Variants in SLIT1 observed in about 807,000 individuals in gnomAD.
SLIT1 encodes slit guidance ligand 1.
A neutral mutation model predicts 186.1 loss-of-function variants in SLIT1; 66 were observed. The ratio of observed to expected loss-of-function variants is 0.35; its 90% CI spans 0.29 to 0.44. SLIT1 has a LOEUF of 0.44. Among genes scored for constraint, SLIT1 ranks in the 20% least tolerant of loss-of-function variants. SLIT1 has a pLI of 1.00. For synonymous variants in SLIT1, 761 were observed against 833.8 expected (o/e 0.91, Z 1.50); for missense variants, 1,638 against 2,037.4 (o/e 0.80, Z 3.77).
Position 97,139,860 on chromosome 10 carries a change from C to T in SLIT1, c.413+17958G>A, listed in dbSNP as rs1447941227. ...CTGAACAGCTGGGGACTCCCGAAAT[C>T]GGCAAAGCCTCTCACAAGGTGGGTG... On this transcript the variant is annotated intron_variant, in intron 4 of 36. Transcript: ENST00000266058. 2.6e-5 allele frequency among the ~76,000 whole-genome samples: 4 copies of T among 152,186 alleles called. No homozygotes were observed. The South Asian group carries it at 6.2e-4, about 24-fold the overall frequency.
intron 1 of SLIT1, among the ~76,000 whole-genome samples, chr10:97,175,342 C>G (rs1469868322): frequency 3.3e-5 from 5 of 152,120 alleles, no homozygotes; most frequent in Non-Finnish European, 1.5e-5. Flanking sequence ...GTAAATAATG[C>G]CACTTTGAAC....
At chr10:97,175,591 G>A (rs948180479) in intron 1 of SLIT1, among the ~76,000 whole-genome samples, 3 of 151,998 alleles carry the variant, frequency 2.0e-5, no homozygotes, top group Non-Finnish European at 4.4e-5. Flanking sequence ...AGGTAGTCAC[G>A]GCCCAGCTCT....
intron 1 of SLIT1, among the ~76,000 whole-genome samples, chr10:97,168,758 A>G (rs943271272): frequency 2.0e-5 from 3 of 152,230 alleles, no homozygotes; most frequent in Non-Finnish European, 4.4e-5. Context: ...AGTCATGAAA[A>G]ATCTGATGAA....
chr10:97,056,188 C>G (rs889722266), intron 13 of SLIT1, 133 bp downstream of exon 13: 1 of 937,166 alleles, frequency 1.1e-6, no homozygotes, highest in Admixed American at 2.6e-5. Context: ...AGGTCTGTGT[C>G]CTTCCTCTGT....
chr10:97,040,649 T>C (rs1199386067), intron 20 of SLIT1, among the ~76,000 whole-genome samples: 3 of 152,168 alleles, frequency 2.0e-5, no homozygotes, highest in Non-Finnish European at 4.4e-5. Flanking sequence ...TCCATTTTAT[T>C]GAGGTCTGGA....
At chr10:97,086,352 C>G (rs563757104) in intron 4 of SLIT1, among the ~76,000 whole-genome samples, 2 of 151,972 alleles carry the variant, frequency 1.3e-5, no homozygotes, top group African/African-American at 4.8e-5. Flanking sequence ...GGTGGATCAC[C>G]TGAGGTCAGG....
rs751071718 is a variant in SLIT1, at chr10:97,001,195, A to T, written c.4522T>A (p.Phe1508Ile). The change falls in exon 37 of 37, where the codon TTC becomes ATC. Residue 1508 changes from phenylalanine to isoleucine, a missense_variant. Phe to Ile is a conservative substitution (Grantham distance 21, BLOSUM62 0). This residue lies in a region of SLIT1 where 220 missense variants were observed against 211.3 expected (regional missense o/e 1.04). Transcript: ENST00000266058. ...GTCCCATCGCTGCACTCAAAGGTGA[A>T]CTTCCTCCGCTTCAGCCGAAGGCCC... ...CQGLRLKRRK[F>I]TFECSDGTSF... is the part of the protein sequence containing the mutation. The T allele has an allele frequency of 1.2e-6, 2 of 1,613,198 alleles. No homozygotes were observed. The highest frequency in any genetic ancestry group is 2.2e-5 in the South Asian group (2 of 91,086).
In SLIT1 at chr10:97,099,454, G is replaced by A. The variant is rs185081289; in HGVS notation, c.414-33368C>T. Among the ~76,000 whole-genome samples the A allele has an allele frequency of 5.7e-3, 862 of 152,228 alleles. 33 individuals are homozygous for A. The highest frequency in any genetic ancestry group is 0.052 in the Admixed American group (799 of 15,286). On this transcript the variant is annotated intron_variant, in intron 4 of 36. Coordinates refer to ENST00000266058, the MANE Select transcript of SLIT1 (RefSeq NM_003061.3). ...ACAAAGAGAAAAAGACTCCAGGTTG[G>A]GGGGGTGGGGGACAGCAGGCAGTGG...
intron 36 of SLIT1, among the ~76,000 whole-genome samples, 200 bp downstream of exon 36, chr10:97,001,958 G>T (rs1848313635): frequency 6.6e-6 from 1 of 152,186 alleles, no homozygotes; most frequent in Non-Finnish European, 1.5e-5. Context: ...CCCTGAATAA[G>T]GGAGCTGCAG....
chr10:97,069,566 C>CA (rs1038081995), intron 4 of SLIT1, among the ~76,000 whole-genome samples: 2 of 152,174 alleles, frequency 1.3e-5, no homozygotes, highest in Admixed American at 1.3e-4. Context: ...AGTGAGTGAA[C>CA]AAGTCCGCTG....
In SLIT1 at chr10:97,141,782, G is replaced by A. The variant is rs568666796; in HGVS notation, c.413+16036C>T. ...GTATCGTATTGTATCGTACTGTATTGTATTGTACTGTATTGTATTGTATTG... is the reference window on the plus strand; with the variant it reads ...GTATCGTATTGTATCGTACTGTATTATATTGTACTGTATTGTATTGTATTG... On this transcript the variant is annotated intron_variant, in intron 4 of 36. Transcript: ENST00000266058. 3.3e-5 allele frequency among the ~76,000 whole-genome samples: 5 copies of A among 151,316 alleles called. No homozygotes were observed. The South Asian group carries it at 1.0e-3, about 32-fold the overall frequency.
At chr10:97,104,653 C>A (rs1368255730) in intron 4 of SLIT1, among the ~76,000 whole-genome samples, 1 of 152,060 alleles carries the variant, frequency 6.6e-6, no homozygotes, top group Non-Finnish European at 1.5e-5. Flanking sequence ...CAGCCCCCAC[C>A]CCACCACACG....
chr10:97,121,017 A>G (rs1286581510), intron 4 of SLIT1, among the ~76,000 whole-genome samples: 1 of 152,068 alleles, frequency 6.6e-6, no homozygotes, highest in African/African-American at 2.4e-5. Context: ...AGATGTCAAG[A>G]CGGTCTCCCT....
At chr10:97,118,273 C>T (rs931301160) in intron 4 of SLIT1, among the ~76,000 whole-genome samples, 3 of 152,200 alleles carry the variant, frequency 2.0e-5, no homozygotes, top group African/African-American at 4.8e-5. Context: ...TCACAGGCTG[C>T]GTAAGCTGGA....
At chr10:97,140,726 C>T (rs1167614299) in intron 4 of SLIT1, among the ~76,000 whole-genome samples, 1 of 152,172 alleles carries the variant, frequency 6.6e-6, no homozygotes, top group Non-Finnish European at 1.5e-5. Flanking sequence ...GTGGGGGCAG[C>T]CCAGGGGAGA....
At chr10:97,116,333 C>T (rs990542695) in intron 4 of SLIT1, among the ~76,000 whole-genome samples, 4 of 152,128 alleles carry the variant, frequency 2.6e-5, no homozygotes, top group African/African-American at 9.6e-5. Context: ...AGAAGACCAT[C>T]TCCTGAGCTA....
At chr10:97,050,686 G>A (rs989678224) in intron 13 of SLIT1, among the ~76,000 whole-genome samples, 2 of 152,194 alleles carry the variant, frequency 1.3e-5, no homozygotes, top group African/African-American at 4.8e-5. Context: ...ATCCACATCT[G>A]GCTGTGCCTC....
rs748535014 is a variant in SLIT1 at position 97,001,089 on chromosome 10, C to A, written c.*23G>T. 6.2e-7 allele frequency: 1 copy of A among 1,602,100 alleles called. No homozygotes were observed. The highest frequency in any genetic ancestry group is 1.3e-5 in the African/African-American group (1 of 74,838). ...GCGGCTGGGGCCCCTTGCCCGCCCTCACCGGCCTGTCCACGCCCAGCGCTA... is the reference window on the plus strand; with the variant it reads ...GCGGCTGGGGCCCCTTGCCCGCCCTAACCGGCCTGTCCACGCCCAGCGCTA... On this transcript the variant is annotated 3_prime_UTR_variant, in exon 37 of 37. Coordinates refer to ENST00000266058, the MANE Select transcript of SLIT1 (RefSeq NM_003061.3).
chr10:97,166,555 GA>G (rs869158671), intron 1 of SLIT1, among the ~76,000 whole-genome samples: 1 of 42,862 alleles, frequency 2.3e-5, no homozygotes, highest in Non-Finnish European at 4.6e-5. Context: ...AGGAAGGAAG[GA>G]AAGAGAGAGA....
Sources: gnomAD v4.1 joint callset for allele counts (sites outside exome capture counted in the v4.1 genomes callset) on GRCh38, gnomAD v4.1.1 for gene constraint, gnomAD v4.1.1 regional missense constraint, MANE v1.5 for transcripts, NCBI Gene and HGNC (gene_info 2026-07-23, HGNC 2026-07-21) for gene names.